PKP4: variants seen among roughly 807,000 people sequenced by gnomAD.
PKP4 encodes plakophilin-4.
PKP4 carries 90 observed loss-of-function variants against 145.1 expected under a neutral mutation model. The observed-to-expected ratio is 0.62, with a 90% confidence interval of 0.52 to 0.74. The LOEUF (loss-of-function observed/expected upper bound fraction) is 0.74, where lower values mean the gene tolerates loss of function less well. Among genes scored for constraint, PKP4 ranks in the 30% least tolerant of loss-of-function variants. The pLI, the probability that PKP4 is intolerant of heterozygous loss-of-function variation, is 0.00. For missense variants in PKP4, 1,340 were observed against 1,482.7 expected (o/e 0.90, Z 1.58); for synonymous variants, 563 against 577.2 (o/e 0.98, Z 0.35).
chr2:158,621,278 G>A lies in PKP4; in HGVS notation c.460G>A (p.Asp154Asn), dbSNP rs763993742. The change falls in exon 6 of 22, where the codon GAC becomes AAC. Residue 154 changes from aspartate (D) to asparagine (N), a missense_variant. Transcript: ENST00000389759. Reference protein sequence around the residue: ...RSSTQMNSYSDSGYQEAGSFH... With the variant: ...RSSTQMNSYSNSGYQEAGSFH... ...TTCAACACAAATGAATTCTTATTCC[G>A]ACAGTGGATACCAGGAAGCAGGGAG... 20 of 1,613,964 alleles carry A rather than the reference G, an allele frequency of 1.2e-5. No homozygotes were observed. The highest frequency in any genetic ancestry group is 1.6e-4 in the Middle Eastern group (1 of 6,084).
chr2:158,671,718 C>A (rs1224592876), intron 17 of PKP4, among the ~76,000 whole-genome samples: 3 of 152,334 alleles, frequency 2.0e-5, no homozygotes, highest in Middle Eastern at 6.8e-3. Context: ...AGGTAGCTTA[C>A]GTTCCATGGG....
intron 11 of PKP4, among the ~76,000 whole-genome samples, chr2:158,656,160 G>T (rs7588964): frequency 1.3e-5 from 2 of 152,094 alleles, no homozygotes; most frequent in Admixed American, 1.3e-4. Context: ...GGAGCCTTAC[G>T]ACCAATTCTT....
chr2:158,674,030 G>A (rs1372179921), intron 19 of PKP4, 30 bp downstream of exon 19: 6 of 1,171,810 alleles, frequency 5.1e-6, no homozygotes, highest in Non-Finnish European at 7.7e-6. Context: ...TCCTTGGCGA[G>A]AACCTTTGTG....
At chr2:158,648,748 C>G (rs1346678869) in intron 11 of PKP4, among the ~76,000 whole-genome samples, 1 of 152,188 alleles carries the variant, frequency 6.6e-6, no homozygotes, top group Admixed American at 6.5e-5. Context: ...CCTGTAATCC[C>G]CACACTTTGG....
intron 16 of PKP4, among the ~76,000 whole-genome samples, chr2:158,667,772 C>T (rs1330730767): frequency 1.3e-5 from 2 of 152,220 alleles, no homozygotes; most frequent in Non-Finnish European, 2.9e-5. Flanking sequence ...TCACCCTGTT[C>T]ATGGTCCAGC....
At chr2:158,519,425 CT>C (rs2042177390) in intron 1 of PKP4, among the ~76,000 whole-genome samples, 1 of 152,198 alleles carries the variant, frequency 6.6e-6, no homozygotes, top group African/African-American at 2.4e-5. Flanking sequence ...GTCTGAATCT[CT>C]TCTCTGCCAG....
chr2:158,603,218 A>C (rs915835357), intron 4 of PKP4, 114 bp downstream of exon 4: 8 of 556,798 alleles, frequency 1.4e-5, no homozygotes, highest in Admixed American at 3.3e-5. Context: ...AATAGTGACA[A>C]TATTGCGCTA....
chr2:158,661,255 A>C (rs958203153), intron 12 of PKP4, 78 bp from the exon 13 acceptor site: 3 of 1,058,400 alleles, frequency 2.8e-6, no homozygotes, highest in Non-Finnish European at 4.4e-6. Flanking sequence ...TCGCTCTCTC[A>C]GATCCTTAAG....
Position 158,601,887 on chromosome 2 carries a change from T to C in PKP4, c.246-1183T>C, listed in dbSNP as rs369688818. ...ATAAGAACTTAAAATCTCAGAAATATAGCACTAAAAGGACGGTTCTTCCCC... is the reference window on the plus strand; with the variant it reads ...ATAAGAACTTAAAATCTCAGAAATACAGCACTAAAAGGACGGTTCTTCCCC... On this transcript the variant is annotated intron_variant, in intron 3 of 21. Coordinates refer to ENST00000389759, the MANE Select transcript of PKP4 (RefSeq NM_003628.6). Among the ~76,000 whole-genome samples, 60 of 152,246 alleles carry C rather than the reference T, an allele frequency of 3.9e-4. No homozygotes were observed. In the South Asian group the frequency reaches 0.012, roughly 31 times the overall value.
At chr2:158,532,125 C>A (rs2043608248) in intron 1 of PKP4, among the ~76,000 whole-genome samples, 1 of 152,232 alleles carries the variant, frequency 6.6e-6, no homozygotes, top group East Asian at 1.9e-4. Flanking sequence ...AGTCCCAGAT[C>A]AAGCTATAGA....
chr2:158,491,164 C>T (rs1177385444), intron 1 of PKP4, among the ~76,000 whole-genome samples: 1 of 152,038 alleles, frequency 6.6e-6, no homozygotes, highest in Non-Finnish European at 1.5e-5. Flanking sequence ...TTTATCTCTC[C>T]CCTCCTTCTG....
intron 12 of PKP4, chr2:158,658,696 G>A (rs1397631324): frequency 2.9e-5 from 5 of 172,950 alleles, no homozygotes; most frequent in Non-Finnish European, 6.0e-5. Flanking sequence ...CTTTTAAAGA[G>A]GTGTGTGATT....
At chr2:158,518,670 G>A (rs1293000478) in intron 1 of PKP4, among the ~76,000 whole-genome samples, 1 of 152,184 alleles carries the variant, frequency 6.6e-6, no homozygotes, top group Non-Finnish European at 1.5e-5. Context: ...TTTTGCTGCA[G>A]AATTTCCTTT....
At chr2:158,571,755 G>A (rs2047425237) in intron 2 of PKP4, among the ~76,000 whole-genome samples, 1 of 152,180 alleles carries the variant, frequency 6.6e-6, no homozygotes, top group Admixed American at 6.5e-5. Context: ...AGGACTTAAT[G>A]AGGGTAAGAG....
At chr2:158,464,890 G>T (rs567049009) in intron 1 of PKP4, among the ~76,000 whole-genome samples, 4 of 152,352 alleles carry the variant, frequency 2.6e-5, no homozygotes, top group South Asian at 4.1e-4. Context: ...TTGGAGTCCT[G>T]CTGTGTGTGC....
chr2:158,494,705 G>C (rs1222546364), intron 1 of PKP4, among the ~76,000 whole-genome samples: 3 of 152,264 alleles, frequency 2.0e-5, no homozygotes, highest in Admixed American at 2.0e-4. Flanking sequence ...AACAGCAAAT[G>C]ATTTTTTATA....
At chr2:158,560,490 A>T (rs2105734817) in intron 2 of PKP4, among the ~76,000 whole-genome samples, 1 of 152,310 alleles carries the variant, frequency 6.6e-6, no homozygotes, top group Non-Finnish European at 1.5e-5. Flanking sequence ...AAGATAAAAG[A>T]GGTAAATTAT....
chr2:158,556,734 A>G (rs1678326571), intron 2 of PKP4, among the ~76,000 whole-genome samples: 1 of 152,314 alleles, frequency 6.6e-6, no homozygotes, highest in Admixed American at 6.5e-5. Context: ...GAACTTTGGC[A>G]GCTGTGATAA....
At chr2:158,622,059 G>A (rs1487736870) in intron 6 of PKP4, among the ~76,000 whole-genome samples, 4 of 152,064 alleles carry the variant, frequency 2.6e-5, no homozygotes, top group Admixed American at 2.6e-4. Flanking sequence ...GGGGTTATGA[G>A]TTCCTAAAAA....
Sources: gnomAD v4.1 joint callset for allele counts (sites outside exome capture counted in the v4.1 genomes callset) on GRCh38, gnomAD v4.1.1 for gene constraint, MANE v1.5 for transcripts, NCBI Gene and HGNC (gene_info 2026-07-23, HGNC 2026-07-21) for gene names.